Variants in GABARAPL2 observed in about 807,000 individuals in gnomAD.
The protein encoded by GABARAPL2 is gamma-aminobutyric acid receptor-associated protein-like 2.
GABARAPL2 carries 11 observed loss-of-function variants against 16.9 expected under a neutral mutation model. The ratio of observed to expected loss-of-function variants is 0.65; its 90% CI spans 0.41 to 1.08. GABARAPL2 has a LOEUF of 1.08. Among genes scored for constraint, GABARAPL2 ranks in the 50% least tolerant of loss-of-function variants. GABARAPL2 has a pLI of 0.00. For synonymous variants in GABARAPL2, 57 were observed against 50.7 expected, an observed-to-expected ratio of 1.12 and a Z score of -0.53; for missense variants, 134 against 142.5, an observed-to-expected ratio of 0.94 and a Z score of 0.30.
chr16:75,575,299 AT>A (rs138990592), intron 3 of GABARAPL2, among the ~76,000 whole-genome samples: 105 of 146,578 alleles, frequency 7.2e-4, no homozygotes, highest in East Asian at 5.0e-3. Context: ...GTTGAAATTA[AT>A]TTTTTTTTTT....
In GABARAPL2 at chr16:75,566,553, G is replaced by A. The variant is rs371491933; in HGVS notation, c.34+33G>A. 5.7e-4 allele frequency: 922 copies of A among 1,604,358 alleles called. 5 individuals carry two copies. The African/African-American group carries it at 0.01, about 18-fold the overall frequency. ...CTTGGTCGTCGGCCCGGCTGCTGGG[G>A]GCTGGGGCGGCGGGTGGGCCCCCTC... is the stretch of plus-strand genomic sequence containing the variant. On this transcript the variant is annotated intron_variant, in intron 1 of 3. Coordinates refer to ENST00000037243, the MANE Select transcript of GABARAPL2 (RefSeq NM_007285.7).
chr16:75,576,995 C>A, intron 3 of GABARAPL2: 1 of 304,088 alleles, frequency 3.3e-6, no homozygotes, highest in Non-Finnish European at 6.2e-6. Flanking sequence ...TTCCCTTGTC[C>A]TTGGCATTTA....
At chr16:75,572,866 C>G (rs1177002531) in intron 3 of GABARAPL2, among the ~76,000 whole-genome samples, 1 of 152,214 alleles carries the variant, frequency 6.6e-6, no homozygotes, top group Non-Finnish European at 1.5e-5. Context: ...GCGTGTGGTA[C>G]TTGATGCCAC....
chr16:75,569,113 C>T (rs1310700242), intron 3 of GABARAPL2, among the ~76,000 whole-genome samples: 4 of 152,178 alleles, frequency 2.6e-5, no homozygotes, highest in African/African-American at 9.7e-5. Flanking sequence ...CCAATGTTGT[C>T]CAAATAGGTT....
intron 3 of GABARAPL2, 39 bp from the exon 4 acceptor site, chr16:75,577,240 C>T: frequency 7.7e-7 from 1 of 1,303,778 alleles, no homozygotes; most frequent in Non-Finnish European, 1.1e-6. Context: ...GAAACCTGGA[C>T]TCCAATTTTC....
At chr16:75,569,514 G>A (rs980533289) in intron 3 of GABARAPL2, among the ~76,000 whole-genome samples, 3 of 152,206 alleles carry the variant, frequency 2.0e-5, no homozygotes, top group African/African-American at 7.2e-5. Context: ...TTTCCTTAAC[G>A]TGTTTGGGGA....
chr16:75,573,258 T>A (rs1474040223), intron 3 of GABARAPL2, among the ~76,000 whole-genome samples: 2 of 152,270 alleles, frequency 1.3e-5, no homozygotes, highest in African/African-American at 2.4e-5. Context: ...AATGGGACTT[T>A]ACAAAAATGA....
chr16:75,576,545 T>G (rs1038707333), intron 3 of GABARAPL2: 5 of 152,258 alleles, frequency 3.3e-5, no homozygotes, highest in South Asian at 2.1e-4. Flanking sequence ...CATTTGCACT[T>G]CCTCTCATCT....
At chr16:75,568,697 A>G (rs1194122412) in intron 3 of GABARAPL2, among the ~76,000 whole-genome samples, 1 of 152,216 alleles carries the variant, frequency 6.6e-6, no homozygotes, top group African/African-American at 2.4e-5. Context: ...TGACTGCGGC[A>G]CAGTAAAGGG....
At chr16:75,576,184 T>G (rs1306183473) in intron 3 of GABARAPL2, 1 of 152,204 alleles carries the variant, frequency 6.6e-6, no homozygotes, top group African/African-American at 2.4e-5. Flanking sequence ...CTCCCCCACA[T>G]TGTTACTTAA....
At chr16:75,568,282 T>G in intron 3 of GABARAPL2, 73 bp downstream of exon 3, 1 of 1,119,212 alleles carries the variant, frequency 8.9e-7, no homozygotes. Context: ...TCCAAAACTT[T>G]GGAAGTCTGA....
Position 75,566,431 on chromosome 16 carries a change from G to C in GABARAPL2, c.-56G>C, listed in dbSNP as rs1055298186. 7.4e-7 allele frequency: 1 copy of C among 1,344,576 alleles called. No homozygotes were observed. The highest frequency in any genetic ancestry group is 1.1e-6 in the Non-Finnish European group (1 of 949,568). 83.3% of individuals were successfully genotyped at this position (1,344,576 alleles called of 1,614,324 possible). On this transcript the variant is annotated 5_prime_UTR_variant, in exon 1 of 4. Coordinates refer to ENST00000037243, the MANE Select transcript of GABARAPL2 (RefSeq NM_007285.7). ...TGCCGCCGTCGTTGTTGTTGTGCTCGGTGCGCTGAGCTCCGCGGCTCCGCG... is the reference window on the plus strand; with the variant it reads ...TGCCGCCGTCGTTGTTGTTGTGCTCCGTGCGCTGAGCTCCGCGGCTCCGCG...
At chr16:75,566,632 G>A (rs963080013) in intron 1 of GABARAPL2, 112 bp downstream of exon 1, 2 of 1,261,410 alleles carry the variant, frequency 1.6e-6, no homozygotes, top group Non-Finnish European at 2.2e-6. Context: ...CCTGCTGCGG[G>A]CTGGAGTCGC....
chr16:75,574,077 C>T lies in GABARAPL2; in HGVS notation c.264-3202C>T, dbSNP rs1567446083. ...ACTTAAAAGACAATGGAATCTAAAG[C>T]CAGAAAGGAATGAAAGCCACATGAT... On this transcript the variant is annotated intron_variant, in intron 3 of 3. Coordinates refer to ENST00000037243, the MANE Select transcript of GABARAPL2 (RefSeq NM_007285.7). 8.5e-5 allele frequency among the ~76,000 whole-genome samples: 13 copies of T among 152,256 alleles called. No homozygotes were observed. In the South Asian group the frequency reaches 2.7e-3, roughly 32 times the overall value.
chr16:75,568,444 C>G (rs2080896631), intron 3 of GABARAPL2: 1 of 369,666 alleles, frequency 2.7e-6, no homozygotes, highest in East Asian at 4.1e-5. Flanking sequence ...GAAACTCAGC[C>G]TAAGATCTCC....
rs1459543301 is a variant in GABARAPL2, at chr16:75,577,668, A to C, written c.*299A>C. The C allele has an allele frequency of 8.1e-6, 2 of 247,448 alleles. No homozygotes were observed. The highest frequency in any genetic ancestry group is 5.0e-5 in the Admixed American group (1 of 20,124). 15.3% of individuals were successfully genotyped at this position (247,448 alleles called of 1,614,324 possible). A position where few individuals can be genotyped will look rare whatever the true frequency, so the allele number is the denominator to read the frequency against. Reference sequence around the variant, plus strand: ...ATCGAAGTGAGGTAGGTGCGGTATTAAAGTGAAAGGGAAGGTGATGCATTT... The same window carrying C: ...ATCGAAGTGAGGTAGGTGCGGTATTCAAGTGAAAGGGAAGGTGATGCATTT... On this transcript the variant is annotated 3_prime_UTR_variant, in exon 4 of 4. Coordinates refer to ENST00000037243, the MANE Select transcript of GABARAPL2 (RefSeq NM_007285.7).
At position 75,577,545 on chromosome 16, in the gene GABARAPL2, G is replaced by C; in HGVS notation, c.*176G>C. The stretch of plus-strand genomic sequence containing the variant: ...CCTTAGACTAGTAAATTATCATACA[G>C]AGTTTTATTTTGAGTTTTTCTTTTT... On this transcript the variant is annotated 3_prime_UTR_variant, in exon 4 of 4. Transcript: ENST00000037243. The C allele has an allele frequency of 1.9e-6, 1 of 538,426 alleles. No individual in the cohort carries two copies. 33.4% of individuals were successfully genotyped at this position (538,426 alleles called of 1,614,324 possible). A position where few individuals can be genotyped will look rare whatever the true frequency, so the allele number is the denominator to read the frequency against.
At chr16:75,570,337 C>T (rs1188498622) in intron 3 of GABARAPL2, among the ~76,000 whole-genome samples, 2 of 152,088 alleles carry the variant, frequency 1.3e-5, no homozygotes, top group Non-Finnish European at 2.9e-5. Flanking sequence ...TATAAATCAC[C>T]CATAAACATA....
chr16:75,572,286 G>T, intron 3 of GABARAPL2: 1 of 152,376 alleles, frequency 6.6e-6, no homozygotes. Context: ...AGTGGTCACT[G>T]CCCTTCCACC....
Sources: allele counts gnomAD v4.1 joint callset (sites outside exome capture counted in the v4.1 genomes callset), GRCh38; gene constraint gnomAD v4.1.1; transcripts MANE v1.5; gene names NCBI Gene and HGNC (gene_info 2026-07-23, HGNC 2026-07-21).